DIS3L2: variants seen among roughly 807,000 people sequenced by gnomAD.
The protein encoded by DIS3L2 is DIS3 like 3'-5' exoribonuclease 2.
Under a neutral mutation model 97.5 loss-of-function variants are expected in DIS3L2, and 34 were observed. That is an observed-to-expected ratio of 0.35 (90% CI 0.27 to 0.46). The LOEUF is 0.46. Ranked by LOEUF, DIS3L2 falls within the 20% of genes least tolerant of loss-of-function variation. DIS3L2 has a pLI of 1.00. For synonymous variants in DIS3L2, 435 were observed against 445.2 expected, an observed-to-expected ratio of 0.98 and a Z score of 0.29; for missense variants, 1,038 against 1,146.0, an observed-to-expected ratio of 0.91 and a Z score of 1.36.
intron 6 of DIS3L2, among the ~76,000 whole-genome samples, chr2:232,116,370 A>G (rs1697711878): frequency 6.6e-6 from 1 of 152,080 alleles, no homozygotes; most frequent in Admixed American, 6.6e-5. Flanking sequence ...CTTTTGGGTA[A>G]CTGGTGTTTT....
intron 6 of DIS3L2, among the ~76,000 whole-genome samples, chr2:232,097,110 C>T (rs1697045307): frequency 6.6e-6 from 1 of 152,166 alleles, no homozygotes; most frequent in Admixed American, 6.5e-5. Flanking sequence ...GTAATCTAAG[C>T]CGTATGTGCA....
intron 1 of DIS3L2, among the ~76,000 whole-genome samples, chr2:231,964,560 G>T (rs575006817): frequency 6.6e-6 from 1 of 152,288 alleles, no homozygotes; most frequent in East Asian, 1.9e-4. Flanking sequence ...TTTGAACATG[G>T]TTGGATAACG....
At chr2:232,038,941 C>G (rs1695029966) in intron 5 of DIS3L2, among the ~76,000 whole-genome samples, 1 of 152,244 alleles carries the variant, frequency 6.6e-6, no homozygotes, top group Non-Finnish European at 1.5e-5. Flanking sequence ...GTGCTACCTA[C>G]TTCTACAAAC....
Position 232,337,023 on chromosome 2 carries a change from C to T in DIS3L2, c.*393C>T, listed in dbSNP as rs184635097. ...TGGGAAGCCTGGGCAGCAGAATGCC[C>T]CTTGCACCCAGGGCAAGGGACCCAG... On this transcript the variant is annotated 3_prime_UTR_variant, in exon 21 of 21. Transcript: ENST00000325385. 11 of 1,082,154 alleles carry T rather than the reference C, an allele frequency of 1.0e-5. No homozygotes were observed. The African/African-American group carries it at 1.5e-4, about 15-fold the overall frequency. The allele number at this position is 1,082,154 out of a possible 1,614,324, so 67.0% of individuals were successfully genotyped here. A position where few individuals can be genotyped will look rare whatever the true frequency, so the allele number is the denominator to read the frequency against.
intron 9 of DIS3L2, among the ~76,000 whole-genome samples, chr2:232,189,068 A>G (rs979507085): frequency 2.0e-5 from 3 of 152,232 alleles, no homozygotes; most frequent in Admixed American, 6.5e-5. Flanking sequence ...CCAAATTGGC[A>G]AGAAGTTCTA....
intron 9 of DIS3L2, among the ~76,000 whole-genome samples, chr2:232,174,585 CAAA>C (rs60698530): frequency 0.014 from 1,184 of 83,928 alleles, 13 homozygotes; most frequent in African/African-American, 0.033. Flanking sequence ...GACTCCACCT[CAAA>C]AAAAAAAAAA....
At chr2:232,034,585 G>A (rs1694901557) in intron 5 of DIS3L2, among the ~76,000 whole-genome samples, 1 of 152,062 alleles carries the variant, frequency 6.6e-6, no homozygotes, top group South Asian at 2.1e-4. Context: ...AATTTTTCCC[G>A]CTTTCTCCTG....
At chr2:232,168,767 T>C (rs1299480452) in intron 9 of DIS3L2, among the ~76,000 whole-genome samples, 1 of 152,134 alleles carries the variant, frequency 6.6e-6, no homozygotes, top group Non-Finnish European at 1.5e-5. Flanking sequence ...TTAACACACA[T>C]AAAGAGAAGC....
intron 6 of DIS3L2, among the ~76,000 whole-genome samples, chr2:232,106,503 A>G (rs1237554874): frequency 6.6e-6 from 1 of 152,204 alleles, no homozygotes; most frequent in African/African-American, 2.4e-5. Context: ...CAATTCAACA[A>G]GAAGAGTTGC....
chr2:232,327,178 A>G (rs1281606848), intron 14 of DIS3L2, among the ~76,000 whole-genome samples: 2 of 152,234 alleles, frequency 1.3e-5, no homozygotes, highest in Non-Finnish European at 2.9e-5. Context: ...ACAGAGGAGT[A>G]ACCAGGGGCC....
At chr2:232,091,692 G>A (rs1301537924) in intron 6 of DIS3L2, among the ~76,000 whole-genome samples, 2 of 152,066 alleles carry the variant, frequency 1.3e-5, no homozygotes, top group African/African-American at 2.4e-5. Flanking sequence ...TGCTGGTATG[G>A]TAGCTATTTC....
At chr2:232,323,366 G>A (rs1050055978) in intron 14 of DIS3L2, among the ~76,000 whole-genome samples, 4 of 152,170 alleles carry the variant, frequency 2.6e-5, no homozygotes, top group African/African-American at 9.7e-5. Flanking sequence ...GTCTCCTTTC[G>A]CTCCCCATTA....
intron 9 of DIS3L2, among the ~76,000 whole-genome samples, chr2:232,196,286 C>T (rs1341616846): frequency 6.6e-6 from 1 of 152,086 alleles, no homozygotes; most frequent in South Asian, 2.1e-4. Flanking sequence ...AACATATATT[C>T]ATGTTATTAT....
At chr2:232,020,193 T>A (rs1694473690) in intron 3 of DIS3L2, among the ~76,000 whole-genome samples, 1 of 152,142 alleles carries the variant, frequency 6.6e-6, no homozygotes, top group Non-Finnish European at 1.5e-5. Flanking sequence ...GAGAATTGGA[T>A]TTTGTTCAAA....
intron 5 of DIS3L2, among the ~76,000 whole-genome samples, chr2:232,044,155 G>T (rs1287191498): frequency 6.6e-6 from 1 of 151,984 alleles, no homozygotes; most frequent in East Asian, 1.9e-4. Flanking sequence ...GTCTGTGTAA[G>T]AGAGTTCAGT....
At chr2:232,253,034 A>G (rs1419006055) in intron 12 of DIS3L2, among the ~76,000 whole-genome samples, 1 of 152,226 alleles carries the variant, frequency 6.6e-6, no homozygotes, top group African/African-American at 2.4e-5. Flanking sequence ...TGTTCCTTCA[A>G]GTAAAAATGG....
At chr2:232,122,131 G>T (rs1023173925) in intron 6 of DIS3L2, among the ~76,000 whole-genome samples, 2 of 152,140 alleles carry the variant, frequency 1.3e-5, no homozygotes, top group Non-Finnish European at 2.9e-5. Context: ...ACTGGCCTCT[G>T]CCTATCTATG....
At chr2:232,098,550 C>T (rs1697098449) in intron 6 of DIS3L2, among the ~76,000 whole-genome samples, 1 of 152,044 alleles carries the variant, frequency 6.6e-6, no homozygotes, top group Non-Finnish European at 1.5e-5. Context: ...GATGGGTTTT[C>T]ACCATGTTGG....
intron 13 of DIS3L2, among the ~76,000 whole-genome samples, chr2:232,282,221 G>A (rs1395556912): frequency 1.3e-5 from 2 of 151,624 alleles, no homozygotes; most frequent in Non-Finnish European, 2.9e-5. Flanking sequence ...AGATGAGGGC[G>A]TATTCTGTAA....
Sources: gnomAD v4.1 joint callset for allele counts (sites outside exome capture counted in the v4.1 genomes callset) on GRCh38, gnomAD v4.1.1 for gene constraint, MANE v1.5 for transcripts, NCBI Gene and HGNC (gene_info 2026-07-23, HGNC 2026-07-21) for gene names.